METAP2: variants seen among roughly 807,000 people sequenced by gnomAD.
METAP2 encodes methionine aminopeptidase 2.
Under a neutral mutation model 59.4 loss-of-function variants are expected in METAP2, and 25 were observed. The ratio of observed to expected loss-of-function variants is 0.42; its 90% confidence interval spans 0.31 to 0.59. The LOEUF is 0.59. Among genes scored for constraint, METAP2 ranks in the 20% least tolerant of loss-of-function variants. METAP2 has a pLI of 0.16. For missense variants in METAP2, 366 were observed against 581.2 expected, an observed-to-expected ratio of 0.63 and a Z score of 3.81; for synonymous variants, 214 against 194.1, an observed-to-expected ratio of 1.10 and a Z score of -0.85.
intron 8 of METAP2, 89 bp from the exon 9 acceptor site, chr12:95,511,806 A>C: frequency 1.2e-6 from 1 of 826,516 alleles, no homozygotes; most frequent in Non-Finnish European, 1.9e-6. Context: ...TTTTTGAATA[A>C]ATGCTTGAAC....
chr12:95,496,489 C>G (rs1469452412), intron 7 of METAP2, among the ~76,000 whole-genome samples: 3 of 152,102 alleles, frequency 2.0e-5, no homozygotes, highest in African/African-American at 7.2e-5. Context: ...GTCAGCATCC[C>G]CACCACATAG....
intron 2 of METAP2, among the ~76,000 whole-genome samples, chr12:95,477,510 A>G (rs1297073973): frequency 1.3e-5 from 2 of 152,214 alleles, no homozygotes; most frequent in African/African-American, 4.8e-5. Flanking sequence ...TTTGGGTACA[A>G]TAAGATTTTT....
chr12:95,514,702 T>G lies in METAP2; in HGVS notation c.*798T>G, dbSNP rs201246240. ...TTAGATCCTTTGTCCAGTGGTGGTG[T>G]TTATCAGGGAATGTATTCAGCTTGC... On this transcript the variant is annotated 3_prime_UTR_variant, in exon 11 of 11. Transcript: ENST00000323666. 5 of 152,150 alleles carry G rather than the reference T, an allele frequency of 3.3e-5. No individual in the cohort carries two copies. Among genetic ancestry groups the G allele is most frequent in the South Asian group, 2.1e-4 (1 of 4,830 alleles). 9.4% of individuals were successfully genotyped at this position (152,150 alleles called of 1,614,324 possible).
rs757356299 is a variant in METAP2, at chr12:95,474,321, C to T, written c.142C>T (p.Pro48Ser). The change falls in exon 1 of 11, where the codon CCT becomes TCT. Residue 48 changes from proline (P) to serine (S), a missense_variant. Around this residue, in one of 4 missense-constraint regions of METAP2, gnomAD observed 177 missense variants for 180.3 expected, o/e 0.98. Coordinates refer to ENST00000323666, the MANE Select transcript of METAP2 (RefSeq NM_006838.4). ...ACGAAAGAAGAAGAAGAGCAAAGGG[C>T]CTTCTGCAGGTAAAGAGAGTTTTAT... Reference protein sequence around the residue: ...KRRKKKKSKGPSAAGEQEPDK... With the variant: ...KRRKKKKSKGSSAAGEQEPDK... 6 of 1,613,992 alleles carry T rather than the reference C, an allele frequency of 3.7e-6. No individual in the cohort carries two copies. The highest frequency in any genetic ancestry group is 1.6e-4 in the Middle Eastern group (1 of 6,062).
At chr12:95,512,631 G>C (rs2076411661) in intron 9 of METAP2, among the ~76,000 whole-genome samples, 170 bp from the exon 10 acceptor site, 1 of 152,168 alleles carries the variant, frequency 6.6e-6, no homozygotes, top group African/African-American at 2.4e-5. Context: ...AGAATCGCTT[G>C]AACCTGGAAA....
At chr12:95,486,083 A>T (rs80029408) in intron 4 of METAP2, 102 bp downstream of exon 4, 1 of 781,670 alleles carries the variant, frequency 1.3e-6, no homozygotes, top group East Asian at 2.9e-5. Flanking sequence ...TACTTTAATA[A>T]ATGCTTATAA....
chr12:95,507,244 TTG>T (rs2076368179), intron 8 of METAP2, among the ~76,000 whole-genome samples: 1 of 152,248 alleles, frequency 6.6e-6, no homozygotes, highest in African/African-American at 2.4e-5. Flanking sequence ...GAAATGTAAA[TTG>T]TGTGATAGTG....
chr12:95,485,405 G>A (rs899440669), intron 3 of METAP2, among the ~76,000 whole-genome samples: 3 of 152,024 alleles, frequency 2.0e-5, no homozygotes, highest in Non-Finnish European at 2.9e-5. Context: ...CAAAAGTTAC[G>A]ATTTCAGAAA....
rs533477059 is a variant in METAP2 at position 95,508,830 on chromosome 12, T to A, written c.965-3065T>A. Among the ~76,000 whole-genome samples the A allele has an allele frequency of 2.6e-5, 4 of 152,314 alleles. No homozygotes were observed. In the South Asian group the frequency reaches 8.3e-4, roughly 32 times the overall value. On this transcript the variant is annotated intron_variant, in intron 8 of 10. Coordinates refer to ENST00000323666, the MANE Select transcript of METAP2 (RefSeq NM_006838.4). ...CCTCTTCCATTAAGCTAGTGCAGCA[T>A]TTTTGGTTTCATTATTTCAGTACCC...
At chr12:95,496,747 ATT>A (rs1027891469) in intron 7 of METAP2, among the ~76,000 whole-genome samples, 5 of 135,336 alleles carry the variant, frequency 3.7e-5, no homozygotes, top group Admixed American at 7.4e-5. Context: ...ACCCACTCAA[ATT>A]TTTTTTTTTT....
intron 8 of METAP2, among the ~76,000 whole-genome samples, chr12:95,507,746 T>C (rs1182932761): frequency 6.6e-6 from 1 of 151,942 alleles, no homozygotes; most frequent in Non-Finnish European, 1.5e-5. Context: ...ATAAAAATCA[T>C]AGCATTAGAT....
chr12:95,513,962 T>C lies in METAP2; in HGVS notation c.*58T>C. On this transcript the variant is annotated 3_prime_UTR_variant, in exon 11 of 11. Transcript: ENST00000323666. ...TTCTGAGCTTTGTTGGAAAACATGATACCAGAATTAATTTGCCACATGTTG... is the reference window on the plus strand; with the variant it reads ...TTCTGAGCTTTGTTGGAAAACATGACACCAGAATTAATTTGCCACATGTTG... 2 of 1,533,744 alleles carry C rather than the reference T, an allele frequency of 1.3e-6. No homozygotes were observed. Among genetic ancestry groups the C allele is most frequent in the Admixed American group, 4.0e-5 (2 of 50,118 alleles).
chr12:95,500,351 A>G (rs1221052748), intron 7 of METAP2, among the ~76,000 whole-genome samples: 1 of 152,204 alleles, frequency 6.6e-6, no homozygotes, highest in Non-Finnish European at 1.5e-5. Context: ...ATCTGTGAAC[A>G]GAGATAGTTT....
At position 95,483,145 on chromosome 12, in the gene METAP2, T is replaced by G; in HGVS notation, c.260-70T>G. 3.6e-6 allele frequency: 4 copies of G among 1,112,658 alleles called. No homozygotes were observed. In the South Asian group the frequency reaches 3.7e-5, roughly 10 times the overall value. 68.9% of individuals were successfully genotyped at this position (1,112,658 alleles called of 1,614,324 possible). A position where few individuals can be genotyped will look rare whatever the true frequency, so the allele number is the denominator to read the frequency against. On this transcript the variant is annotated intron_variant, in intron 2 of 10. Transcript: ENST00000323666. ...TTATTGAATAGAGCAAATACTTGTC[T>G]CCTTGTACTTGCTTTGTCCCTCTGC...
chr12:95,490,272 G>GTTT (rs530529363), intron 4 of METAP2, among the ~76,000 whole-genome samples: 2 of 127,334 alleles, frequency 1.6e-5, no homozygotes, highest in Admixed American at 8.1e-5. Flanking sequence ...CGGCATAGTA[G>GTTT]TTTTTTTTTT....
chr12:95,498,553 T>C (rs2076292193), intron 7 of METAP2, among the ~76,000 whole-genome samples: 1 of 152,238 alleles, frequency 6.6e-6, no homozygotes, highest in African/African-American at 2.4e-5. Flanking sequence ...TTAAGGTATT[T>C]ATAGTTTCAG....
In METAP2 at chr12:95,502,596, C is replaced by T. The variant is rs115358475; in HGVS notation, c.868-1469C>T. On this transcript the variant is annotated intron_variant, in intron 7 of 10. Coordinates refer to ENST00000323666, the MANE Select transcript of METAP2 (RefSeq NM_006838.4). Reference sequence around the variant, plus strand: ...TTCATCTTTTTTTGAGTTCTTTGAACTTCTTGGATGCTATATTCTTGTATT... The same window carrying T: ...TTCATCTTTTTTTGAGTTCTTTGAATTTCTTGGATGCTATATTCTTGTATT... Among the ~76,000 whole-genome samples, 1,353 of 151,808 alleles carry T rather than the reference C, an allele frequency of 8.9e-3. 26 individuals are homozygous for T. Among genetic ancestry groups the T allele is most frequent in the African/African-American group, 0.031 (1,299 of 41,420 alleles).
chr12:95,492,191 G>C (rs1348981952), intron 4 of METAP2, among the ~76,000 whole-genome samples: 1 of 151,632 alleles, frequency 6.6e-6, no homozygotes, highest in African/African-American at 2.4e-5. Context: ...GGTGGAGACA[G>C]GGTCCCACTG....
At chr12:95,502,557 G>A (rs2076324579) in intron 7 of METAP2, among the ~76,000 whole-genome samples, 2 of 151,800 alleles carry the variant, frequency 1.3e-5, no homozygotes, top group African/African-American at 2.4e-5. Flanking sequence ...TGTGTGTGGG[G>A]GGGTTTCTTT....
Sources: gnomAD v4.1 joint callset for allele counts (sites outside exome capture counted in the v4.1 genomes callset) on GRCh38, gnomAD v4.1.1 for gene constraint, gnomAD v4.1.1 regional missense constraint, MANE v1.5 for transcripts, NCBI Gene and HGNC (gene_info 2026-07-23, HGNC 2026-07-21) for gene names.